MGMT: variants seen among roughly 807,000 people sequenced by gnomAD.
MGMT encodes the protein methylated-DNA--protein-cysteine methyltransferase.
In MGMT, 14 loss-of-function variants were observed where a neutral mutation model predicts 15.9. The ratio of observed to expected loss-of-function variants is 0.88; its 90% CI spans 0.58 to 1.37. The LOEUF is 1.37. Among genes scored for constraint, MGMT ranks in the 40% most tolerant of loss-of-function variants. The pLI is 0.00. For missense variants in MGMT, 282 were observed against 268.1 expected, an observed-to-expected ratio of 1.05 and a Z score of -0.36; for synonymous variants, 130 against 118.2, an observed-to-expected ratio of 1.10 and a Z score of -0.65.
intron 1 of MGMT, among the ~76,000 whole-genome samples, chr10:129,500,153 G>A (rs1845560641): frequency 6.6e-6 from 1 of 152,168 alleles, no homozygotes; most frequent in Admixed American, 6.5e-5. Flanking sequence ...CATAAAGATT[G>A]GATTTTTAAA....
At chr10:129,595,599 G>T (rs1244743352) in intron 2 of MGMT, among the ~76,000 whole-genome samples, 5 of 152,150 alleles carry the variant, frequency 3.3e-5, no homozygotes, top group Non-Finnish European at 7.3e-5. Context: ...ATGCGTTTAT[G>T]TGGGCGCTGC....
intron 2 of MGMT, among the ~76,000 whole-genome samples, chr10:129,603,737 G>A (rs1234526593): frequency 1.3e-5 from 2 of 152,352 alleles, no homozygotes; most frequent in South Asian, 2.1e-4. Context: ...TGTATGGGCA[G>A]CTTGTCGGGC....
chr10:129,735,206 G>A (rs889910805), intron 3 of MGMT, among the ~76,000 whole-genome samples: 11 of 152,150 alleles, frequency 7.2e-5, no homozygotes, highest in African/African-American at 2.2e-4. Context: ...TCTTTTTGTT[G>A]ATAAGCTATT....
intron 2 of MGMT, among the ~76,000 whole-genome samples, chr10:129,627,645 G>A (rs574460781): frequency 6.6e-6 from 1 of 152,206 alleles, no homozygotes; most frequent in South Asian, 2.1e-4. Context: ...TCCGGAAGCG[G>A]CCTCTAAAAA....
chr10:129,536,928 G>A (rs1845991128), intron 2 of MGMT: 1 of 152,116 alleles, frequency 6.6e-6, no homozygotes, highest in African/African-American at 2.4e-5. Context: ...CCTGCCAGGG[G>A]GAAGGGCCCG....
At chr10:129,657,885 A>G (rs1041887848) in intron 2 of MGMT, among the ~76,000 whole-genome samples, 2 of 152,034 alleles carry the variant, frequency 1.3e-5, no homozygotes, top group Non-Finnish European at 2.9e-5. Flanking sequence ...AGGAGCCCCC[A>G]TCCCATGAGT....
At chr10:129,749,735 A>G (rs1299252050) in intron 3 of MGMT, among the ~76,000 whole-genome samples, 1 of 152,196 alleles carries the variant, frequency 6.6e-6, no homozygotes, top group Non-Finnish European at 1.5e-5. Context: ...CATTCCCATC[A>G]GCAATGATTA....
intron 3 of MGMT, among the ~76,000 whole-genome samples, chr10:129,758,007 C>A (rs1848826895): frequency 6.6e-6 from 1 of 152,334 alleles, no homozygotes; most frequent in African/African-American, 2.4e-5. Flanking sequence ...TTGCCCTCTA[C>A]TAATCCATGT....
At chr10:129,467,848 A>AC (rs1421976470) in intron 1 of MGMT, among the ~76,000 whole-genome samples, 1 of 152,158 alleles carries the variant, frequency 6.6e-6, no homozygotes, top group African/African-American at 2.4e-5. Context: ...AGCCACACAC[A>AC]CTGGGCACCG....
At chr10:129,470,695 C>T (rs76306638) in intron 1 of MGMT, among the ~76,000 whole-genome samples, 15,912 of 152,136 alleles carry the variant, frequency 0.1, 1,075 homozygotes, top group East Asian at 0.27. Context: ...CTGAATAGGC[C>T]GCCCTGGGAG....
In MGMT at chr10:129,757,500, G is replaced by A. The variant is rs561334196; in HGVS notation, c.275-1702G>A. Among the ~76,000 whole-genome samples the A allele has an allele frequency of 8.0e-4, 122 of 152,316 alleles. 1 individual carries two copies. The highest frequency in any genetic ancestry group is 2.7e-3 in the African/African-American group (112 of 41,570). ...AAACAAAACCACCAACTCTGTGTTC[G>A]CCGAGGAAGGCAGGAAATTGGCCTC... On this transcript the variant is annotated intron_variant, in intron 3 of 4. Transcript: ENST00000651593.
chr10:129,550,358 A>G (rs961457720), intron 2 of MGMT, among the ~76,000 whole-genome samples: 2 of 138,358 alleles, frequency 1.4e-5, no homozygotes, highest in Middle Eastern at 3.7e-3. Flanking sequence ...AGTGTTCCGC[A>G]GCCACCACCG....
At chr10:129,718,204 A>G (rs1156761258) in intron 3 of MGMT, among the ~76,000 whole-genome samples, 1 of 152,236 alleles carries the variant, frequency 6.6e-6, no homozygotes, top group Non-Finnish European at 1.5e-5. Context: ...GGCAAAGCTC[A>G]TCTCTTCTGC....
rs1846498613 is a variant in MGMT, at chr10:129,577,502, G to A, written c.125+41125G>A. Among the ~76,000 whole-genome samples the A allele has an allele frequency of 3.3e-5, 5 of 152,300 alleles. No homozygotes were observed. In the South Asian group the frequency reaches 1.0e-3, roughly 32 times the overall value. ...AGCCATATGTAGAAAGCTGAAACTG[G>A]ATCCCTTCCTTACACCTTATACAAA... is the stretch of plus-strand genomic sequence containing the variant. On this transcript the variant is annotated intron_variant, in intron 2 of 4. Transcript: ENST00000651593.
chr10:129,658,170 G>T (rs1249817606), intron 2 of MGMT, among the ~76,000 whole-genome samples: 1 of 152,146 alleles, frequency 6.6e-6, no homozygotes, highest in East Asian at 1.9e-4. Flanking sequence ...GAACTAAAAT[G>T]GAAGACGGGC....
intron 2 of MGMT, among the ~76,000 whole-genome samples, chr10:129,632,053 T>C (rs1847215713): frequency 6.6e-6 from 1 of 152,198 alleles, no homozygotes; most frequent in African/African-American, 2.4e-5. Flanking sequence ...TTTGTTTTTA[T>C]GCCTACAGCG....
At chr10:129,575,998 C>T (rs1846477952) in intron 2 of MGMT, among the ~76,000 whole-genome samples, 1 of 152,174 alleles carries the variant, frequency 6.6e-6, no homozygotes, top group Non-Finnish European at 1.5e-5. Context: ...GAAGTTGAAT[C>T]TCTGAATAGA....
intron 2 of MGMT, among the ~76,000 whole-genome samples, chr10:129,578,549 G>A (rs1846515205): frequency 6.6e-6 from 1 of 151,892 alleles, no homozygotes; most frequent in Non-Finnish European, 1.5e-5. Flanking sequence ...GGGAGGAGGG[G>A]GAGGGGTAGC....
intron 2 of MGMT, among the ~76,000 whole-genome samples, chr10:129,561,448 A>G (rs910207066): frequency 4.6e-5 from 7 of 152,184 alleles, no homozygotes; most frequent in East Asian, 1.9e-4. Context: ...GCCGGATGCT[A>G]CCGTTGTCTG....
Sources: allele counts gnomAD v4.1 joint callset (sites outside exome capture counted in the v4.1 genomes callset), GRCh38; gene constraint gnomAD v4.1.1; transcripts MANE v1.5; gene names NCBI Gene and HGNC (gene_info 2026-07-23, HGNC 2026-07-21).